ZC4H2: variants seen among roughly 807,000 people sequenced by gnomAD.
The protein encoded by ZC4H2 is zinc finger C4H2-type containing, also known as zinc finger C4H2 domain-containing protein.
For missense variants in ZC4H2, 137 were observed against 173.9 expected (o/e 0.79, Z 1.19); for synonymous variants, 84 against 66.3 (o/e 1.27, Z -1.30).
intron 1 of ZC4H2, among the ~76,000 whole-genome samples, chrX:64,937,672 C>G (rs766813309): frequency 6.3e-5 from 7 of 111,638 alleles, no homozygotes; most frequent in Non-Finnish European, 1.1e-4. Context: ...ACAATCTGCT[C>G]CTGAATGACA....
rs35605122 is a variant in ZC4H2, at chrX:64,954,318, TTATATA to T, written c.53+22001_53+22006del. 1.2e-3 allele frequency among the ~76,000 whole-genome samples: 73 copies of T among 62,566 alleles called. 4 individuals carry two copies. The highest frequency in any genetic ancestry group is 7.9e-3 in the African/African-American group (42 of 5,308). 54.3% of individuals were successfully genotyped at this position (62,566 alleles called of 115,157 possible). ...ATGTACCCTAAAACTTAAAGTATAA[TTATATA>T]TATATATATATATAATTATATATAT... On this transcript the variant is annotated intron_variant, in intron 1 of 4. Coordinates refer to ENST00000374839, the MANE Select transcript of ZC4H2 (RefSeq NM_018684.4).
chrX:64,954,203 A>G (rs1931021668), intron 1 of ZC4H2, among the ~76,000 whole-genome samples: 2 of 102,397 alleles, frequency 2.0e-5, no homozygotes, highest in South Asian at 8.9e-4. Flanking sequence ...TAGCATTAGG[A>G]GATATACCTA....
At chrX:64,979,501 C>A (rs1257190414), upstream of ZC4H2, among the ~76,000 whole-genome samples, 1 of 112,441 alleles carries the variant, frequency 8.9e-6, no homozygotes, top group East Asian at 2.8e-4. Flanking sequence ...GGCTCCTTGA[C>A]CTCCTTGAGA....
chrX:64,930,751 G>T (rs1161578837), intron 1 of ZC4H2, among the ~76,000 whole-genome samples: 5 of 111,663 alleles, frequency 4.5e-5, no homozygotes, highest in East Asian at 2.8e-4. Context: ...TTAATATGCT[G>T]TTGGATTTGG....
At chrX:64,981,469 T>C (rs1159821112) in intron 1 of ZC4H2, among the ~76,000 whole-genome samples, 2 of 110,537 alleles carry the variant, frequency 1.8e-5, no homozygotes, top group African/African-American at 6.6e-5. Context: ...GAACATATTA[T>C]TGGGCACAGA....
intron 1 of ZC4H2, among the ~76,000 whole-genome samples, chrX:64,953,103 A>G (rs1385991299): frequency 8.9e-6 from 1 of 112,292 alleles, no homozygotes; most frequent in East Asian, 2.8e-4. Flanking sequence ...TGGTGCTGGG[A>G]AAACTGGCTA....
At chrX:64,942,489 A>AC (rs1930335361) in intron 1 of ZC4H2, among the ~76,000 whole-genome samples, 1 of 43,617 alleles carries the variant, frequency 2.3e-5, no homozygotes, top group Admixed American at 2.7e-4. Context: ...TTGCCCCCCC[A>AC]CCCCCCAACA....
Position 64,976,318 on chromosome X carries a change from C to T in ZC4H2, c.53+7G>A. The T allele has an allele frequency of 8.3e-7, 1 of 1,211,034 alleles. No homozygotes were observed. The highest frequency in any genetic ancestry group is 1.1e-6 in the Non-Finnish European group (1 of 894,806). On this transcript the variant is annotated splice_region_variant and intron_variant, in intron 1 of 4. Transcript: ENST00000374839. Reference sequence around the variant, plus strand: ...AGGGGCGGGGAGGGGGACAACGTGCCACTTACCTGATCTCTTTAATGCTTT... The same window carrying T: ...AGGGGCGGGGAGGGGGACAACGTGCTACTTACCTGATCTCTTTAATGCTTT...
chrX:64,984,805 G>C (rs1047619544), intron 1 of ZC4H2, among the ~76,000 whole-genome samples: 6 of 112,224 alleles, frequency 5.3e-5, no homozygotes. Flanking sequence ...ATCTTTGTTT[G>C]TTAAACTACA....
chrX:64,981,482 T>A (rs1932080698), intron 1 of ZC4H2, among the ~76,000 whole-genome samples: 1 of 110,719 alleles, frequency 9.0e-6, no homozygotes, highest in African/African-American at 3.3e-5. Flanking sequence ...GGCACAGAAC[T>A]GATATGATTA....
intron 1 of ZC4H2, among the ~76,000 whole-genome samples, chrX:65,015,215 C>G (rs1020430035): frequency 4.5e-5 from 5 of 111,914 alleles, no homozygotes; most frequent in Non-Finnish European, 9.4e-5. Context: ...TTACCTGGAA[C>G]ATTATTTCTC....
intron 1 of ZC4H2, among the ~76,000 whole-genome samples, chrX:64,992,208 A>G (rs1351314015): frequency 1.8e-5 from 2 of 111,884 alleles, no homozygotes; most frequent in Admixed American, 1.9e-4. Flanking sequence ...GCCTTATTTC[A>G]GTGACAATAT....
At chrX:64,995,119 A>AC (rs1360010906) in intron 1 of ZC4H2, among the ~76,000 whole-genome samples, 4 of 109,462 alleles carry the variant, frequency 3.7e-5, no homozygotes, top group Non-Finnish European at 5.7e-5. Context: ...ATTAAAAAAA[A>AC]AAAAAAAAGG....
At chrX:64,920,329 T>C (rs757177913) in intron 2 of ZC4H2, 76 bp from the exon 3 acceptor site, 123 of 1,046,611 alleles carry the variant, frequency 1.2e-4, no homozygotes, top group Non-Finnish European at 1.4e-4. Context: ...GAGTGAATAA[T>C]AGCACAAGCT....
intron 1 of ZC4H2, among the ~76,000 whole-genome samples, chrX:65,022,964 G>A: frequency 9.0e-6 from 1 of 111,630 alleles, no homozygotes; most frequent in Non-Finnish European, 1.9e-5. Context: ...AGATCAGATG[G>A]TTGTAGATGT....
chrX:64,919,054 G>A lies in ZC4H2; in HGVS notation c.549C>T (p.Pro183=). 1.7e-6 allele frequency: 2 copies of A among 1,166,267 alleles called. No homozygotes were observed. The highest frequency in any genetic ancestry group is 2.3e-6 in the Non-Finnish European group (2 of 871,188). Residue 183 remains proline (P), a synonymous_variant, in exon 4 of 5, where the codon CCC becomes CCT. Coordinates refer to ENST00000374839, the MANE Select transcript of ZC4H2 (RefSeq NM_018684.4). ...CCAGCTCACTTACCTTCATAGGTGG[G>A]GGCTGCTGCCTGAAGGTGGCCGTCT... is the stretch of plus-strand genomic sequence containing the variant. The part of the protein sequence containing the change: ...TRQTATFRQQ[P]PPMKACLSCH...
At chrX:64,925,762 C>A (rs1929399509) in intron 1 of ZC4H2, among the ~76,000 whole-genome samples, 1 of 112,235 alleles carries the variant, frequency 8.9e-6, no homozygotes, top group Admixed American at 9.4e-5. Context: ...GCTGACTTGA[C>A]ATGGAAAATC....
In ZC4H2 at chrX:64,916,643, C is replaced by T. The variant is rs769419426; in HGVS notation, c.*1140G>A. On this transcript the variant is annotated 3_prime_UTR_variant, in exon 5 of 5. Transcript: ENST00000374839. ...AGCCCCCATCCCCATCCCTTATCTT[C>T]GAGTGACCTTACCAGGAAACCTGGC... The T allele has an allele frequency of 3.1e-4, 35 of 111,527 alleles. No individual in the cohort carries two copies. The highest frequency in any genetic ancestry group is 9.8e-4 in the African/African-American group (30 of 30,705). 9.2% of individuals were successfully genotyped at this position (111,527 alleles called of 1,213,427 possible). A position where few individuals can be genotyped will look rare whatever the true frequency, so the allele number is the denominator to read the frequency against.
At chrX:65,017,768 A>G (rs1932807106) in intron 1 of ZC4H2, among the ~76,000 whole-genome samples, 1 of 111,934 alleles carries the variant, frequency 8.9e-6, no homozygotes, top group South Asian at 3.8e-4. Context: ...ACACTCATAA[A>G]ATGTAGGATC....
Sources: gnomAD v4.1 joint callset for allele counts (sites outside exome capture counted in the v4.1 genomes callset) on GRCh38, gnomAD v4.1.1 for gene constraint, MANE v1.5 for transcripts, NCBI Gene and HGNC (gene_info 2026-07-23, HGNC 2026-07-21) for gene names.